The following CXCL13 variants were observed in gnomAD, a reference collection of about 807,000 sequenced individuals.
CXCL13 encodes the protein C-X-C motif chemokine 13.
A neutral mutation model predicts 12.2 loss-of-function variants in CXCL13; 7 were observed. The observed-to-expected ratio is 0.57, with a 90% CI of 0.33 to 1.07. The LOEUF is 1.07. CXCL13 is among the 50% of genes least tolerant of loss of function. The pLI, the probability that CXCL13 is intolerant of heterozygous loss-of-function variation, is 0.04. For missense variants in CXCL13, 113 were observed against 127.4 expected, an observed-to-expected ratio of 0.89 and a Z score of 0.55; for synonymous variants, 47 against 42.4, an observed-to-expected ratio of 1.11 and a Z score of -0.42.
intron 1 of CXCL13, among the ~76,000 whole-genome samples, chr4:77,593,157 T>C (rs569846398): frequency 1.3e-5 from 2 of 152,324 alleles, no homozygotes; most frequent in African/African-American, 2.4e-5. Context: ...AGGTAAGAAA[T>C]GCTTGACCTT....
intron 1 of CXCL13, among the ~76,000 whole-genome samples, chr4:77,555,810 G>T (rs540641908): frequency 9.2e-5 from 14 of 152,236 alleles, no homozygotes; most frequent in Non-Finnish European, 1.5e-4. Flanking sequence ...TTAAAATTGG[G>T]TAAGTCATTT....
intron 1 of CXCL13, among the ~76,000 whole-genome samples, chr4:77,584,859 GA>G (rs1411148772): frequency 6.6e-6 from 1 of 152,202 alleles, no homozygotes; most frequent in Non-Finnish European, 1.5e-5. Context: ...ATGGCAAAAG[GA>G]AGGAGAAATA....
chr4:77,518,727 G>A lies in CXCL13; in HGVS notation c.-43+6939G>A, dbSNP rs537886843. On this transcript the variant is annotated intron_variant, in intron 1 of 4. Transcript: ENST00000286758. ...TTTTTTCTAAGTTTTTAACTTCTTT[G>A]CCTTTGGTTTGAATTTCCTCCTGTA... Among the ~76,000 whole-genome samples the A allele has an allele frequency of 2.2e-3, 333 of 152,052 alleles. 1 individual carries two copies. Among genetic ancestry groups the A allele is most frequent in the African/African-American group, 6.9e-3 (288 of 41,484 alleles).
At chr4:77,567,607 G>A (rs1725970083) in intron 1 of CXCL13, among the ~76,000 whole-genome samples, 1 of 152,138 alleles carries the variant, frequency 6.6e-6, no homozygotes, top group East Asian at 1.9e-4. Flanking sequence ...GATAAAACAA[G>A]ATGCAGTAAA....
chr4:77,511,797 T>C (rs550687496), intron 1 of CXCL13: 5 of 152,178 alleles, frequency 3.3e-5, no homozygotes, highest in Non-Finnish European at 5.9e-5. Flanking sequence ...AGGTGAGAGG[T>C]TGAATATGTC....
chr4:77,571,641 CCCCG>C (rs1726082550), intron 1 of CXCL13, among the ~76,000 whole-genome samples: 1 of 151,724 alleles, frequency 6.6e-6, no homozygotes, highest in African/African-American at 2.4e-5. Flanking sequence ...CCAATCAGTG[CCCCG>C]ACAAAACAAG....
At chr4:77,587,345 T>C (rs536922064) in intron 1 of CXCL13, among the ~76,000 whole-genome samples, 30 of 152,316 alleles carry the variant, frequency 2.0e-4, no homozygotes, top group African/African-American at 7.0e-4. Flanking sequence ...GAACTTTCAC[T>C]GGTTATATAC....
In CXCL13 at chr4:77,541,330, G is replaced by T. The variant is rs1224040190; in HGVS notation, c.-43+29542G>T. ...GACTTAGTCATAAGTTATTTCCCAA[G>T]GCTGATGTCCAGAATGGTGGTTCCT... On this transcript the variant is annotated intron_variant, in intron 1 of 4. Transcript: ENST00000286758. Among the ~76,000 whole-genome samples the T allele has an allele frequency of 1.3e-5, 2 of 152,226 alleles. 1 individual carries two copies. Among genetic ancestry groups the T allele is most frequent in the South Asian group, 4.1e-4 (2 of 4,826 alleles).
rs1242663743 is a variant in CXCL13 at position 77,511,789 on chromosome 4, G to A, written c.-43+1G>A. On this transcript the variant is annotated splice_donor_variant, in intron 1 of 4. Transcript: ENST00000286758. LOFTEE classifies it low-confidence loss of function (5UTR_SPLICE). Reference sequence around the variant, plus strand: ...TGAAAAAACTGACTCTGCTAATGAGGTGAGAGGTTGAATATGTCAACCCTA... The same window carrying A: ...TGAAAAAACTGACTCTGCTAATGAGATGAGAGGTTGAATATGTCAACCCTA... 6.6e-6 allele frequency: 1 copy of A among 152,210 alleles called. No homozygotes were observed. The highest frequency in any genetic ancestry group is 1.5e-5 in the Non-Finnish European group (1 of 68,040). The allele number at this position is 152,210 out of a possible 1,614,324, so 9.4% of individuals were successfully genotyped here.
At chr4:77,582,005 C>G (rs1182654318) in intron 1 of CXCL13, among the ~76,000 whole-genome samples, 2 of 152,152 alleles carry the variant, frequency 1.3e-5, no homozygotes, top group African/African-American at 4.8e-5. Flanking sequence ...CCCTTTTCCT[C>G]AGTTCTCACT....
chr4:77,559,793 G>C (rs2109811835), intron 1 of CXCL13, among the ~76,000 whole-genome samples: 1 of 152,000 alleles, frequency 6.6e-6, no homozygotes, highest in African/African-American at 2.4e-5. Flanking sequence ...ATGGTGGCGG[G>C]TGCCTGTAGT....
intron 1 of CXCL13, among the ~76,000 whole-genome samples, chr4:77,584,077 T>C: frequency 6.6e-6 from 1 of 152,194 alleles, no homozygotes; most frequent in East Asian, 1.9e-4. Context: ...CAGGAGTCTA[T>C]GGTGGAGGTC....
At chr4:77,544,884 A>C (rs1725313096) in intron 1 of CXCL13, among the ~76,000 whole-genome samples, 1 of 152,196 alleles carries the variant, frequency 6.6e-6, no homozygotes, top group Non-Finnish European at 1.5e-5. Flanking sequence ...TTTTAGGTCT[A>C]ACATGCAAGT....
chr4:77,545,901 T>C (rs991363261), intron 1 of CXCL13, among the ~76,000 whole-genome samples: 1 of 152,192 alleles, frequency 6.6e-6, no homozygotes, highest in Non-Finnish European at 1.5e-5. Context: ...AAATACCTCT[T>C]ATTATTTTGA....
In CXCL13 at chr4:77,555,202, T is replaced by C. The variant is rs140636380; in HGVS notation, c.-43+43414T>C. Among the ~76,000 whole-genome samples the C allele has an allele frequency of 1.8e-3, 268 of 152,092 alleles. 2 individuals are homozygous for C. The highest frequency in any genetic ancestry group is 6.1e-3 in the African/African-American group (252 of 41,570). On this transcript the variant is annotated intron_variant, in intron 1 of 4. Transcript: ENST00000286758. Reference sequence around the variant, plus strand: ...AGACCAAGAAAAAAAGGATATGAGTTACTAAATTCAGGAATGAAAGAGGAG... The same window carrying C: ...AGACCAAGAAAAAAAGGATATGAGTCACTAAATTCAGGAATGAAAGAGGAG...
At chr4:77,607,638 A>T in intron 1 of CXCL13, 65 bp from the exon 2 acceptor site, 1 of 1,496,712 alleles carries the variant, frequency 6.7e-7, no homozygotes, top group Non-Finnish European at 9.1e-7. Flanking sequence ...AAGATTAGTA[A>T]TTAAATTCTA....
intron 1 of CXCL13, among the ~76,000 whole-genome samples, chr4:77,523,347 A>T (rs907581938): frequency 4.6e-5 from 7 of 152,194 alleles, no homozygotes; most frequent in African/African-American, 1.7e-4. Context: ...CAGGTACACC[A>T]ATCAAATGTA....
At chr4:77,596,723 T>C (rs550406000) in intron 1 of CXCL13, among the ~76,000 whole-genome samples, 2 of 146,556 alleles carry the variant, frequency 1.4e-5, no homozygotes, top group South Asian at 2.2e-4. Context: ...AGGCAGAGGT[T>C]GCAGTGAGCT....
At position 77,593,359 on chromosome 4, in the gene CXCL13, C is replaced by T. The variant is rs192583139; in HGVS notation, c.-42-12465C>T. Among the ~76,000 whole-genome samples, 313 of 152,326 alleles carry T rather than the reference C, an allele frequency of 2.1e-3. 3 individuals carry two copies. Among genetic ancestry groups the T allele is most frequent in the African/African-American group, 5.6e-3 (233 of 41,562 alleles). On this transcript the variant is annotated intron_variant, in intron 1 of 4. Coordinates refer to the CXCL13 transcript ENST00000286758. Reference sequence around the variant, plus strand: ...AGGAGCAGTAATAATCATTGCATCACATCATCTCCCATATGTGCCCTGTAT... The same window carrying T: ...AGGAGCAGTAATAATCATTGCATCATATCATCTCCCATATGTGCCCTGTAT...
Sources: allele counts gnomAD v4.1 joint callset (sites outside exome capture counted in the v4.1 genomes callset), GRCh38; gene constraint gnomAD v4.1.1; transcripts MANE v1.5; gene names NCBI Gene and HGNC (gene_info 2026-07-23, HGNC 2026-07-21).